Variants in SETD3 observed in about 807,000 individuals in gnomAD.
The protein encoded by SETD3 is SET domain containing 3, actin N3(tau)-histidine methyltransferase, also known as actin-histidine N-methyltransferase.
In SETD3, 19 loss-of-function variants were observed where a neutral mutation model predicts 63.0. The ratio of observed to expected loss-of-function variants is 0.30; its 90% CI spans 0.21 to 0.44. The LOEUF (loss-of-function observed/expected upper bound fraction) is 0.44, where lower values mean the gene tolerates loss of function less well. SETD3 is among the 20% of genes least tolerant of loss of function. The pLI is 1.00. For synonymous variants in SETD3, 286 were observed against 264.1 expected, an observed-to-expected ratio of 1.08 and a Z score of -0.80; for missense variants, 587 against 728.5, an observed-to-expected ratio of 0.81 and a Z score of 2.24.
chr14:99,486,025 C>T, the SETD3 span, among the ~76,000 whole-genome samples: 1 of 152,116 alleles, frequency 6.6e-6, no homozygotes, highest in African/African-American at 2.4e-5. Context: ...ACAAATTACC[C>T]ATTTAAACTG....
intron 6 of SETD3, among the ~76,000 whole-genome samples, chr14:99,450,907 T>G (rs1186071735): frequency 6.6e-6 from 1 of 152,192 alleles, no homozygotes; most frequent in Non-Finnish European, 1.5e-5. Flanking sequence ...TAGAAAAATG[T>G]ACATGTCTCT....
intron 1 of SETD3, among the ~76,000 whole-genome samples, chr14:99,475,548 C>G (rs936237676): frequency 1.6e-4 from 25 of 152,246 alleles, no homozygotes; most frequent in African/African-American, 6.0e-4. Context: ...CCTCTCTGAC[C>G]TGTCAGCTTT....
At chr14:99,422,126 T>G (rs753887545) in intron 6 of SETD3, among the ~76,000 whole-genome samples, 1 of 152,230 alleles carries the variant, frequency 6.6e-6, no homozygotes. Context: ...CAGCCCTGGA[T>G]GGTAACTTAG....
intron 6 of SETD3, among the ~76,000 whole-genome samples, chr14:99,452,945 G>T (rs1022158943): frequency 2.0e-5 from 3 of 152,196 alleles, no homozygotes; most frequent in Non-Finnish European, 4.4e-5. Context: ...TAAAAATTGC[G>T]AATGAGGTTC....
chr14:99,466,965 T>C (rs1895419800), intron 1 of SETD3, among the ~76,000 whole-genome samples: 1 of 152,178 alleles, frequency 6.6e-6, no homozygotes, highest in South Asian at 2.1e-4. Context: ...CCATTTGTTT[T>C]TTACAAAAAG....
chr14:99,443,826 T>C lies in SETD3; in HGVS notation c.675+14453A>G, dbSNP rs112344232. On this transcript the variant is annotated intron_variant, in intron 6 of 12. Transcript: ENST00000331768. ...GCCTATTTTGCCTCAATATAAGGAATGGCTTTCTAACTATATAGTCTTCTC... is the reference window on the plus strand; with the variant it reads ...GCCTATTTTGCCTCAATATAAGGAACGGCTTTCTAACTATATAGTCTTCTC... Among the ~76,000 whole-genome samples the C allele has an allele frequency of 9.4e-3, 1,425 of 152,294 alleles. 20 individuals are homozygous for C. Among genetic ancestry groups the C allele is most frequent in the African/African-American group, 0.032 (1,339 of 41,550 alleles).
intron 6 of SETD3, among the ~76,000 whole-genome samples, chr14:99,418,874 A>C (rs1892423056): frequency 6.6e-6 from 1 of 152,202 alleles, no homozygotes. Context: ...AGGCAGGAGA[A>C]AAATTTACAC....
intron 1 of SETD3, among the ~76,000 whole-genome samples, chr14:99,476,715 AT>A (rs1372460871): frequency 6.6e-6 from 1 of 152,184 alleles, no homozygotes; most frequent in Non-Finnish European, 1.5e-5. Context: ...AGGCATGTCT[AT>A]TTTCTGAGAC....
At chr14:99,471,553 T>C (rs1162067629) in intron 1 of SETD3, among the ~76,000 whole-genome samples, 1 of 152,242 alleles carries the variant, frequency 6.6e-6, no homozygotes, top group Non-Finnish European at 1.5e-5. Context: ...GAGGCTCTCT[T>C]GAGCCCAGGA....
chr14:99,462,226 G>C (rs1003873210), intron 3 of SETD3, among the ~76,000 whole-genome samples: 8 of 152,196 alleles, frequency 5.3e-5, no homozygotes, highest in Admixed American at 3.9e-4. Context: ...TGGGGTAGCA[G>C]ATTCTTGGAC....
intron 6 of SETD3, among the ~76,000 whole-genome samples, chr14:99,435,600 C>T (rs1260277513): frequency 1.3e-5 from 2 of 152,196 alleles, no homozygotes; most frequent in African/African-American, 2.4e-5. Context: ...CTCTTCAGCA[C>T]CCCTAAAGGG....
At chr14:99,452,773 T>G (rs1420662553) in intron 6 of SETD3, among the ~76,000 whole-genome samples, 1 of 152,192 alleles carries the variant, frequency 6.6e-6, no homozygotes, top group Non-Finnish European at 1.5e-5. Context: ...TTGTGCTTGC[T>G]GTCACTCCCA....
intron 4 of SETD3, 95 bp from the exon 5 acceptor site, chr14:99,459,280 TA>T: frequency 1.2e-6 from 1 of 810,810 alleles, no homozygotes; most frequent in South Asian, 1.6e-5. Context: ...ACACATGAAG[TA>T]CAACTTAAGG....
Position 99,398,819 on chromosome 14 carries a change from C to A in SETD3, c.1645G>T (p.Glu549Ter). 1 of 1,614,240 alleles carries A rather than the reference C, an allele frequency of 6.2e-7. No homozygotes were observed. The highest frequency in any genetic ancestry group is 1.1e-5 in the South Asian group (1 of 91,088). ...TTTTCACCGTTTACAAGCCCGTTTT[C>A]TGTGGCCTTTGCTTTGCTGATTGCC... is the stretch of plus-strand genomic sequence containing the variant. ...REAISKAKAT[E>*]NGLVNGENSI... The change falls in exon 13 of 13, where the codon GAA (glutamate) becomes TAA (stop). Residue 549 changes from glutamate (E) to a stop codon, truncating the protein, a stop_gained. Coordinates refer to ENST00000331768, the MANE Select transcript of SETD3 (RefSeq NM_032233.3). LOFTEE classifies it low-confidence loss of function (END_TRUNC).
chr14:99,413,836 C>A, intron 7 of SETD3, 40 bp downstream of exon 7: 1 of 1,603,502 alleles, frequency 6.2e-7, no homozygotes, highest in East Asian at 2.2e-5. Flanking sequence ...CACTTAGAAA[C>A]CACCCTCAAT....
At chr14:99,452,853 G>A (rs572176132) in intron 6 of SETD3, among the ~76,000 whole-genome samples, 1 of 152,142 alleles carries the variant, frequency 6.6e-6, no homozygotes, top group Non-Finnish European at 1.5e-5. Flanking sequence ...ATCGCGGGGG[G>A]AGAAAACAAA....
intron 11 of SETD3, among the ~76,000 whole-genome samples, chr14:99,403,433 ACAC>A (rs1328166646): frequency 1.9e-4 from 20 of 105,986 alleles, no homozygotes; most frequent in African/African-American, 9.2e-4. Context: ...CAAAACATAC[ACAC>A]ACACACACAC....
intron 1 of SETD3, among the ~76,000 whole-genome samples, chr14:99,471,171 A>G (rs1895682642): frequency 6.6e-6 from 1 of 152,312 alleles, no homozygotes; most frequent in African/African-American, 2.4e-5. Flanking sequence ...TTCCATCTCT[A>G]TATTACCCAT....
chr14:99,458,523 G>A lies in SETD3; in HGVS notation c.431C>T (p.Ser144Phe). The change falls in exon 6 of 13, where the codon TCT (serine) becomes TTT (phenylalanine). Residue 144 changes from serine to phenylalanine, a missense_variant. Ser to Phe is a radical substitution (Grantham distance 155, BLOSUM62 -2). Transcript: ENST00000331768. ...AKNSVLGPLY[S>F]QDRILQAMGN... ...CATGGCTTGAAGGATTCGGTCTTGA[G>A]AATATAAGGGCCCTGAATTAACCCA... is the stretch of plus-strand genomic sequence containing the variant. The A allele has an allele frequency of 6.2e-7, 1 of 1,613,990 alleles. No individual in the cohort carries two copies. Among genetic ancestry groups the A allele is most frequent in the South Asian group, 1.1e-5 (1 of 91,068 alleles).
Sources: gnomAD v4.1 joint callset for allele counts (sites outside exome capture counted in the v4.1 genomes callset) on GRCh38, gnomAD v4.1.1 for gene constraint, MANE v1.5 for transcripts, NCBI Gene and HGNC (gene_info 2026-07-23, HGNC 2026-07-21) for gene names.